The following TLE2 variants were observed in gnomAD, a reference collection of about 807,000 sequenced individuals.
The protein encoded by TLE2 is transducin-like enhancer protein 2.
TLE2 carries 74 observed loss-of-function variants against 97.2 expected under a neutral mutation model. The observed-to-expected ratio is 0.76, with a 90% confidence interval of 0.63 to 0.92. The LOEUF is 0.92. Ranked by LOEUF, TLE2 falls within the 40% of genes least tolerant of loss-of-function variation. The pLI is 0.00. For missense variants in TLE2, 1,038 were observed against 1,008.7 expected, an observed-to-expected ratio of 1.03 and a Z score of -0.39; for synonymous variants, 499 against 432.1, an observed-to-expected ratio of 1.15 and a Z score of -1.92.
intron 12 of TLE2, among the ~76,000 whole-genome samples, 185 bp from the exon 13 acceptor site, chr19:3,009,887 C>CTCTTTTTTT (rs764492373): frequency 1.1e-3 from 157 of 148,510 alleles, no homozygotes; most frequent in African/African-American, 2.9e-3. Flanking sequence ...TTCTCTCTCT[C>CTCTTTTTTT]TTTTTTTCTT....
chr19:3,032,840 T>C (rs533728732), upstream of TLE2, among the ~76,000 whole-genome samples: 3 of 152,236 alleles, frequency 2.0e-5, no homozygotes, highest in East Asian at 1.9e-4. The surrounding 1 kb of genome is among the most constrained non-coding windows in gnomAD (Gnocchi z 4.1). Context: ...TCACTGCTCC[T>C]GGGAGGCCAA....
chr19:3,006,916 G>A (rs1399374606), intron 14 of TLE2, among the ~76,000 whole-genome samples: 2 of 152,162 alleles, frequency 1.3e-5, no homozygotes, highest in African/African-American at 2.4e-5. Flanking sequence ...CCGAGTAGCT[G>A]GGATTACAGG....
At position 3,000,706 on chromosome 19, in the gene TLE2, T is replaced by A; in HGVS notation, c.2065A>T (p.Thr689Ser). 6.3e-7 allele frequency: 1 copy of A among 1,591,198 alleles called. No homozygotes were observed. The highest frequency in any genetic ancestry group is 8.6e-7 in the Non-Finnish European group (1 of 1,169,248). Residue 689 changes from threonine (T) to serine (S), a missense_variant, in exon 19 of 20, where the codon ACC becomes TCC. Physicochemically the swap from Thr to Ser is moderately conservative, Grantham distance 58 (BLOSUM62 1). Transcript: ENST00000262953. ...FASCGRWFVS[T>S]GKDNLLNAWR... is the part of the protein sequence containing the mutation. Reference sequence around the variant, plus strand: ...GCGTTGAGCAGGTTGTCCTTCCCGGTGCTCACAAACCACCGTCCTTGGGGA... The same window carrying A: ...GCGTTGAGCAGGTTGTCCTTCCCGGAGCTCACAAACCACCGTCCTTGGGGA...
intron 18 of TLE2, 36 bp downstream of exon 18, chr19:3,002,317 T>G: frequency 6.4e-7 from 1 of 1,573,714 alleles, no homozygotes; most frequent in Non-Finnish European, 8.6e-7. Context: ...TTTGTTGGGG[T>G]TTTGAGGGCG....
At chr19:3,022,775 T>G (rs1290302347) in intron 5 of TLE2, among the ~76,000 whole-genome samples, 3 of 151,946 alleles carry the variant, frequency 2.0e-5, no homozygotes, top group Non-Finnish European at 2.9e-5. Flanking sequence ...TGCACCTGTG[T>G]GTGGGTGTGT....
chr19:3,006,136 G>A, intron 15 of TLE2, 168 bp from the exon 16 acceptor site: 1 of 967,460 alleles, frequency 1.0e-6, no homozygotes, highest in Non-Finnish European at 1.7e-6. Flanking sequence ...TGCAAACACT[G>A]CCCCATCTGA....
At position 3,027,733 on chromosome 19, in the gene TLE2, G is replaced by A. The variant is rs1350482921; in HGVS notation, c.231+96C>T. On this transcript the variant is annotated intron_variant, in intron 4 of 19. Transcript: ENST00000262953. ...TTCAGGATGAGACCCGTGTTCCCTA[G>A]GTCTGCTCTGGCCCCGGCTGCCCAC... The A allele has an allele frequency of 4.0e-6, 5 of 1,243,090 alleles. No individual in the cohort carries two copies. The Admixed American group carries it at 1.0e-4, about 25-fold the overall frequency. The allele number at this position is 1,243,090 out of a possible 1,614,324, so 77.0% of individuals were successfully genotyped here.
chr19:3,037,009 G>T (rs1434744883), intron 1 of TLE2, among the ~76,000 whole-genome samples: 2 of 152,228 alleles, frequency 1.3e-5, no homozygotes, highest in Admixed American at 6.5e-5. Flanking sequence ...TTGGGGCAGG[G>T]CGTGGTGGCT....
rs902041332 is a variant in TLE2, at chr19:3,025,153, G to A, written c.232-71C>T. The A allele has an allele frequency of 3.4e-5, 49 of 1,440,616 alleles. 1 individual carries two copies. The East Asian group carries it at 9.9e-4, about 29-fold the overall frequency. 89.2% of individuals were successfully genotyped at this position (1,440,616 alleles called of 1,614,324 possible). On this transcript the variant is annotated intron_variant, in intron 4 of 19. Coordinates refer to ENST00000262953, the MANE Select transcript of TLE2 (RefSeq NM_003260.5). ...GCAACCCAGCTCTGGACTCCCAGGCGGACCAGGTGTTGGCAAAGCCGAAGG... is the reference window on the plus strand; with the variant it reads ...GCAACCCAGCTCTGGACTCCCAGGCAGACCAGGTGTTGGCAAAGCCGAAGG...
chr19:3,009,203 G>C (rs1442664550), intron 13 of TLE2, among the ~76,000 whole-genome samples: 1 of 152,166 alleles, frequency 6.6e-6, no homozygotes, highest in Non-Finnish European at 1.5e-5. Flanking sequence ...CCAATGCCCA[G>C]ACTGGCTCTA....
At chr19:3,029,508 G>C (rs1599248670), upstream of TLE2, 1 of 981,458 alleles carries the variant, frequency 1.0e-6, no homozygotes, top group Non-Finnish European at 1.2e-6. Flanking sequence ...GGAGGGGCGG[G>C]AGAAGAAAAA....
intron 4 of TLE2, among the ~76,000 whole-genome samples, chr19:3,026,775 G>A (rs1456646551): frequency 4.0e-5 from 6 of 151,596 alleles, no homozygotes; most frequent in Non-Finnish European, 5.9e-5. Context: ...ACACAGATAG[G>A]ACAATCTCAG....
chr19:3,042,681 C>G (rs1482747219), intron 1 of TLE2, among the ~76,000 whole-genome samples: 3 of 151,376 alleles, frequency 2.0e-5, no homozygotes, highest in Non-Finnish European at 4.4e-5. Context: ...AACCTGAGTT[C>G]TATTTGCTTC....
chr19:3,005,091 C>A (rs998320000), intron 17 of TLE2, among the ~76,000 whole-genome samples: 1 of 152,028 alleles, frequency 6.6e-6, no homozygotes, highest in Non-Finnish European at 1.5e-5. Flanking sequence ...AAGTGTGTGT[C>A]CCGCGCTCTC....
intron 1 of TLE2, among the ~76,000 whole-genome samples, chr19:3,045,543 G>A (rs2090135119): frequency 6.6e-6 from 1 of 152,140 alleles, no homozygotes; most frequent in African/African-American, 2.4e-5. Context: ...CTGGCTGGGT[G>A]CAGTGGCTTA....
At chr19:3,042,722 C>A (rs1355174063) in intron 1 of TLE2, among the ~76,000 whole-genome samples, 1 of 151,860 alleles carries the variant, frequency 6.6e-6, no homozygotes, top group African/African-American at 2.4e-5. Context: ...CTCCCCAAGT[C>A]CCCAGAGATC....
chr19:3,026,697 G>A (rs896850267), intron 4 of TLE2, among the ~76,000 whole-genome samples: 7 of 151,598 alleles, frequency 4.6e-5, no homozygotes, highest in African/African-American at 1.7e-4. Flanking sequence ...TCAGAACCCT[G>A]AGGTCTATCT....
chr19:3,012,747 G>A (rs536040619), intron 11 of TLE2, among the ~76,000 whole-genome samples: 2 of 152,112 alleles, frequency 1.3e-5, no homozygotes, highest in Non-Finnish European at 1.5e-5. Context: ...CTGTTATCTC[G>A]GCTTCATGTC....
At chr19:3,009,094 G>A in intron 13 of TLE2, 149 bp from the exon 14 acceptor site, 1 of 582,060 alleles carries the variant, frequency 1.7e-6, no homozygotes, top group Middle Eastern at 3.4e-4. Flanking sequence ...CACTACAGAT[G>A]AGAGGGCTGA....
Sources: gnomAD v4.1 joint callset for allele counts (sites outside exome capture counted in the v4.1 genomes callset) on GRCh38, gnomAD v4.1.1 for gene constraint, Gnocchi (gnomAD v3.1) non-coding constraint, MANE v1.5 for transcripts, NCBI Gene and HGNC (gene_info 2026-07-23, HGNC 2026-07-21) for gene names.